SEPTIN8: variants seen among roughly 807,000 people sequenced by gnomAD.
SEPTIN8 encodes septin 8.
In SEPTIN8, 22 loss-of-function variants were observed where a neutral mutation model predicts 53.1. The ratio of observed to expected loss-of-function variants is 0.41; its 90% confidence interval spans 0.30 to 0.59. The LOEUF is 0.59. SEPTIN8 is among the 20% of genes least tolerant of loss of function. SEPTIN8 has a pLI of 0.24. For missense variants in SEPTIN8, 536 were observed against 638.7 expected, an observed-to-expected ratio of 0.84 and a Z score of 1.73; for synonymous variants, 228 against 248.4, an observed-to-expected ratio of 0.92 and a Z score of 0.77.
chr5:132,777,473 TCGG>T, upstream of SEPTIN8: 1 of 977,566 alleles, frequency 1.0e-6, no homozygotes, highest in Non-Finnish European at 1.2e-6. This position sits in a 1 kb window ranked among gnomAD's most constrained non-coding sequence, Gnocchi z 4.1. Context: ...GACGGCAGTG[TCGG>T]GGGGCTCGGG....
In SEPTIN8 at chr5:132,777,180, G is replaced by C. The variant is rs1368214561; in HGVS notation, c.-43C>G. ...GCGGGTGGGCTGGGACGAGCGCAGG[G>C]GCAGCGACAGGGACCAGCCGGCTGC... is the stretch of plus-strand genomic sequence containing the variant. On this transcript the variant is annotated 5_prime_UTR_variant, in exon 1 of 10. Transcript: ENST00000378719. The surrounding 1 kb of genome is among the most constrained non-coding windows in gnomAD (Gnocchi z 4.1). The C allele has an allele frequency of 7.7e-6, 9 of 1,165,204 alleles. No homozygotes were observed. The highest frequency in any genetic ancestry group is 8.5e-6 in the Non-Finnish European group (8 of 944,312). The allele number at this position is 1,165,204 out of a possible 1,614,324, so 72.2% of individuals were successfully genotyped here.
intron 1 of SEPTIN8, among the ~76,000 whole-genome samples, chr5:132,766,708 G>C (rs879878892): frequency 2.0e-5 from 3 of 152,182 alleles, no homozygotes; most frequent in African/African-American, 7.2e-5. Context: ...GTCCAGCTAA[G>C]GACAGCCCAG....
intron 9 of SEPTIN8, chr5:132,758,257 T>C (rs990966323): frequency 7.7e-7 from 1 of 1,298,088 alleles, no homozygotes; most frequent in African/African-American, 1.5e-5. Flanking sequence ...TCTGTGTTAC[T>C]TATGAAAATA....
chr5:132,770,137 ATG>A (rs1273504508), intron 1 of SEPTIN8, among the ~76,000 whole-genome samples: 2 of 66,820 alleles, frequency 3.0e-5, no homozygotes, highest in African/African-American at 2.4e-4. Context: ...ATATATGTGT[ATG>A]TGTGTGTATA....
At chr5:132,757,315 G>C in intron 9 of SEPTIN8, 1 of 985,450 alleles carries the variant, frequency 1.0e-6, no homozygotes, top group South Asian at 4.7e-5. Context: ...CCCCTCACAG[G>C]TAAAGGCTGC....
chr5:132,765,613 A>G, intron 1 of SEPTIN8, 84 bp from the exon 2 acceptor site: 1 of 1,459,614 alleles, frequency 6.9e-7, no homozygotes, highest in Non-Finnish European at 9.2e-7. Flanking sequence ...TCTGAGTTAA[A>G]ACAGTGAAGC....
rs574889467 is a variant in SEPTIN8, at chr5:132,761,104, C to T, written c.1095+29G>A. ...GCCAGGCCTTCCCTCCCTCAGCTTC[C>T]CCATCCCAGCCCCCAGCCTGGCACA... On this transcript the variant is annotated intron_variant, in intron 8 of 9. Transcript: ENST00000378719. The surrounding 1 kb of genome is among the most constrained non-coding windows in gnomAD (Gnocchi z 5.8). 2 of 1,613,782 alleles carry T rather than the reference C, an allele frequency of 1.2e-6. No individual in the cohort carries two copies. The highest frequency in any genetic ancestry group is 1.1e-5 in the South Asian group (1 of 90,994).
rs1352423693 is a variant in SEPTIN8 at position 132,776,481 on chromosome 5, CA to C, written c.30+626del. ...CACTGGGCTGAGTCTGGAATCCCTC[CA>C]GCTCCTGGCGAATGGCTGCCGCAGA... On this transcript the variant is annotated intron_variant, in intron 1 of 9. Transcript: ENST00000378719. This position sits in a 1 kb window ranked among gnomAD's most constrained non-coding sequence, Gnocchi z 4.4. Among the ~76,000 whole-genome samples the C allele has an allele frequency of 6.6e-6, 1 of 152,242 alleles. No homozygotes were observed. Among genetic ancestry groups the C allele is most frequent in the Non-Finnish European group, 1.5e-5 (1 of 68,032 alleles).
At chr5:132,767,732 C>T (rs1185833499) in intron 1 of SEPTIN8, among the ~76,000 whole-genome samples, 2 of 152,142 alleles carry the variant, frequency 1.3e-5, no homozygotes, top group African/African-American at 4.8e-5. Flanking sequence ...CTCCTTGTGT[C>T]GGCTTGAGGA....
intron 9 of SEPTIN8, among the ~76,000 whole-genome samples, chr5:132,752,683 A>G (rs1754954338): frequency 6.6e-6 from 1 of 152,174 alleles, no homozygotes; most frequent in Non-Finnish European, 1.5e-5. Flanking sequence ...ATGCATAGTT[A>G]GACTAATGAC....
In SEPTIN8 at chr5:132,760,941, T is replaced by G; in HGVS notation, c.1147A>C (p.Lys383Gln). The G allele has an allele frequency of 6.3e-7, 1 of 1,599,624 alleles. No individual in the cohort carries two copies. Among genetic ancestry groups the G allele is most frequent in the Middle Eastern group, 1.7e-4 (1 of 5,760 alleles). Residue 383 changes from lysine to glutamine, a missense_variant, in exon 9 of 10, where the codon AAG becomes CAG. Physicochemically the swap from Lys to Gln is moderately conservative, Grantham distance 53. This residue lies in a region of SEPTIN8 where 133 missense variants were observed against 157.4 expected (regional missense o/e 0.84). Transcript: ENST00000378719. This position sits in a 1 kb window ranked among gnomAD's most constrained non-coding sequence, Gnocchi z 5.2. ...AGTTCCCGGCGCTTTTCCTCCACCT[T>G]GCGCTTCTCCTCCTGGTGGACCCGC... ...LKRVHQEEKR[K>Q]VEEKRRELEE...
rs1477540384 is a variant in SEPTIN8, at chr5:132,770,006, TATATATATATATATATAC to T, written c.31-4495_31-4478del. Among the ~76,000 whole-genome samples the T allele has an allele frequency of 4.3e-3, 288 of 67,718 alleles. 11 individuals carry two copies. The highest frequency in any genetic ancestry group is 0.016 in the South Asian group (29 of 1,808). The allele number at this position is 67,718 out of a possible 152,430, so 44.4% of individuals were successfully genotyped here. On this transcript the variant is annotated intron_variant, in intron 1 of 9. Coordinates refer to ENST00000378719, the MANE Select transcript of SEPTIN8 (RefSeq NM_001098811.2). ...ACATATATATATATATATATATATA[TATATATATATATATATAC>T]ACACACATATATATATATGTGTGTG...
At chr5:132,769,943 C>T (rs556111162) in intron 1 of SEPTIN8, among the ~76,000 whole-genome samples, 1 of 137,422 alleles carries the variant, frequency 7.3e-6, no homozygotes, top group South Asian at 2.4e-4. Context: ...CAAATCTTCC[C>T]GTTTTTAAAG....
In SEPTIN8 at chr5:132,761,127, A is replaced by T. The variant is rs1561747852; in HGVS notation, c.1095+6T>A. ...TCCCCATCCCAGCCCCCAGCCTGGCACATACCTCCCTTTCCTTCTCCTTCA... is the reference window on the plus strand; with the variant it reads ...TCCCCATCCCAGCCCCCAGCCTGGCTCATACCTCCCTTTCCTTCTCCTTCA... On this transcript the variant is annotated splice_donor_region_variant and intron_variant, in intron 8 of 9. Coordinates refer to ENST00000378719, the MANE Select transcript of SEPTIN8 (RefSeq NM_001098811.2). The surrounding 1 kb of genome is among the most constrained non-coding windows in gnomAD (Gnocchi z 5.8). 6.2e-7 allele frequency: 1 copy of T among 1,614,124 alleles called. No individual in the cohort carries two copies. The highest frequency in any genetic ancestry group is 8.5e-7 in the Non-Finnish European group (1 of 1,180,004).
chr5:132,770,760 C>T (rs1355111951), intron 1 of SEPTIN8, among the ~76,000 whole-genome samples: 1 of 152,202 alleles, frequency 6.6e-6, no homozygotes, highest in Non-Finnish European at 1.5e-5. Context: ...GACCCAAAGC[C>T]TCTGGCTCAT....
Position 132,757,831 on chromosome 5 carries a change from A to G in SEPTIN8, c.1286+2971T>C, listed in dbSNP as rs892608437. 5.3e-5 allele frequency: 52 copies of G among 985,196 alleles called. No individual in the cohort carries two copies. The Middle Eastern group carries it at 1.5e-3, about 29-fold the overall frequency. The allele number at this position is 985,196 out of a possible 1,614,324, so 61.0% of individuals were successfully genotyped here. The stretch of plus-strand genomic sequence containing the variant: ...GCTCCTTTGCCGCTCATTTTTCCCT[A>G]ATTGTCTATATACATCAGACACCTT... On this transcript the variant is annotated intron_variant, in intron 9 of 9. Transcript: ENST00000378719.
chr5:132,765,953 C>A (rs1312756388), intron 1 of SEPTIN8, among the ~76,000 whole-genome samples: 1 of 152,142 alleles, frequency 6.6e-6, no homozygotes, highest in East Asian at 1.9e-4. Flanking sequence ...ACGGGGGATG[C>A]TGCCCCTGCC....
intron 9 of SEPTIN8, chr5:132,752,953 G>GTGT: frequency 6.2e-7 from 1 of 1,614,054 alleles, no homozygotes; most frequent in Non-Finnish European, 8.5e-7. Context: ...AGACAACTTT[G>GTGT]TGTCACCTGC....
At chr5:132,768,918 C>G (rs1756903636) in intron 1 of SEPTIN8, among the ~76,000 whole-genome samples, 2 of 152,170 alleles carry the variant, frequency 1.3e-5, no homozygotes, top group Non-Finnish European at 2.9e-5. Context: ...GTGGTATTAT[C>G]TATTACTTGC....
Sources: gnomAD v4.1 joint callset for allele counts (sites outside exome capture counted in the v4.1 genomes callset) on GRCh38, gnomAD v4.1.1 for gene constraint, gnomAD v4.1.1 regional missense constraint, Gnocchi (gnomAD v3.1) non-coding constraint, MANE v1.5 for transcripts, NCBI Gene and HGNC (gene_info 2026-07-23, HGNC 2026-07-21) for gene names.